SCG5: variants seen among roughly 807,000 people sequenced by gnomAD.
SCG5 encodes neuroendocrine protein 7B2.
SCG5 carries 18 observed loss-of-function variants against 25.7 expected under a neutral mutation model. The ratio of observed to expected loss-of-function variants is 0.70; its 90% CI spans 0.48 to 1.04. The LOEUF (loss-of-function observed/expected upper bound fraction) is 1.04, where lower values mean the gene tolerates loss of function less well. SCG5 is among the 50% of genes least tolerant of loss of function. The pLI, the probability that SCG5 is intolerant of heterozygous loss-of-function variation, is 0.00. For missense variants in SCG5, 206 were observed against 259.8 expected, an observed-to-expected ratio of 0.79 and a Z score of 1.42; for synonymous variants, 101 against 91.7, an observed-to-expected ratio of 1.10 and a Z score of -0.58.
At chr15:32,650,754 G>T (rs2054020119) in intron 2 of SCG5, among the ~76,000 whole-genome samples, 1 of 152,212 alleles carries the variant, frequency 6.6e-6, no homozygotes, top group African/African-American at 2.4e-5. Context: ...AGGCTGCTCA[G>T]TGCCAGCTGT....
At position 32,684,617 on chromosome 15, in the gene SCG5, T is replaced by A; in HGVS notation, c.437T>A (p.Leu146Ter). 1.2e-6 allele frequency: 2 copies of A among 1,613,912 alleles called. No individual in the cohort carries two copies. The highest frequency in any genetic ancestry group is 1.7e-6 in the Non-Finnish European group (2 of 1,179,846). Reference sequence around the variant, plus strand: ...GCAGAGTTCAGTCGAGAGTTCCAGTTGCACCAGCATCTCTTTGATCCGGAA... The same window carrying A: ...GCAGAGTTCAGTCGAGAGTTCCAGTAGCACCAGCATCTCTTTGATCCGGAA... ...DTAEFSREFQ[L>*]HQHLFDPEHD... Residue 146 changes from leucine to a stop codon, truncating the protein, a stop_gained, in exon 4 of 6, where the codon TTG becomes TAG. Transcript: ENST00000300175. LOFTEE classifies it high-confidence loss of function.
At chr15:32,677,450 A>G (rs1476809303) in intron 2 of SCG5, 1 of 152,244 alleles carries the variant, frequency 6.6e-6, no homozygotes, top group Non-Finnish European at 1.5e-5. Flanking sequence ...TGGGGGAAAA[A>G]AGTGTGAATC....
chr15:32,683,814 A>T (rs1481044988), intron 3 of SCG5, among the ~76,000 whole-genome samples: 1 of 152,200 alleles, frequency 6.6e-6, no homozygotes, highest in African/African-American at 2.4e-5. Context: ...CACAACATCA[A>T]GTGCTGTGTG....
intron 2 of SCG5, among the ~76,000 whole-genome samples, chr15:32,652,333 C>T (rs554913466): frequency 2.0e-5 from 3 of 151,832 alleles, no homozygotes; most frequent in East Asian, 1.9e-4. Context: ...TAAATGTGTT[C>T]CCAGAATGTC....
At chr15:32,644,692 T>C (rs1312543940) in intron 2 of SCG5, among the ~76,000 whole-genome samples, 1 of 152,194 alleles carries the variant, frequency 6.6e-6, no homozygotes, top group African/African-American at 2.4e-5. Context: ...CCTAAAGAAG[T>C]AGCATGGTTA....
intron 2 of SCG5, among the ~76,000 whole-genome samples, chr15:32,660,075 A>G (rs2054191942): frequency 2.0e-5 from 3 of 152,148 alleles, no homozygotes; most frequent in Non-Finnish European, 4.4e-5. Context: ...CTAATATTGG[A>G]AGGATTATTT....
At chr15:32,692,710 G>A (rs1335777499) in intron 5 of SCG5, among the ~76,000 whole-genome samples, 1 of 152,172 alleles carries the variant, frequency 6.6e-6, no homozygotes, top group African/African-American at 2.4e-5. Flanking sequence ...GCAAGTGCCT[G>A]GATCCTCACA....
At chr15:32,696,316 A>G (rs1567093716) in intron 5 of SCG5, among the ~76,000 whole-genome samples, 198 bp from the exon 6 acceptor site, 1 of 152,000 alleles carries the variant, frequency 6.6e-6, no homozygotes, top group Non-Finnish European at 1.5e-5. Context: ...ACGGGGTTTC[A>G]CCGTGTTAGC....
At chr15:32,651,437 G>T (rs947340948) in intron 2 of SCG5, among the ~76,000 whole-genome samples, 1 of 152,228 alleles carries the variant, frequency 6.6e-6, no homozygotes, top group Admixed American at 6.5e-5. Flanking sequence ...GGCAACAGTT[G>T]CTTCCCATTT....
chr15:32,652,177 C>T (rs2054042641), intron 2 of SCG5, among the ~76,000 whole-genome samples: 1 of 152,016 alleles, frequency 6.6e-6, no homozygotes, highest in Non-Finnish European at 1.5e-5. Context: ...TAGTAAAAAC[C>T]ACTGGGTGTC....
chr15:32,691,419 G>C (rs2054853723), intron 4 of SCG5, among the ~76,000 whole-genome samples: 1 of 152,166 alleles, frequency 6.6e-6, no homozygotes, highest in Admixed American at 6.5e-5. Context: ...GAGGAGATGG[G>C]TTTCCAGCAC....
chr15:32,686,916 T>C (rs568980296), intron 4 of SCG5, among the ~76,000 whole-genome samples: 36 of 152,264 alleles, frequency 2.4e-4, no homozygotes, highest in African/African-American at 8.4e-4. Flanking sequence ...TTAGGGAAGA[T>C]GGAAGACAAG....
At chr15:32,678,571 A>G (rs778117961) in intron 2 of SCG5, among the ~76,000 whole-genome samples, 9 of 152,238 alleles carry the variant, frequency 5.9e-5, no homozygotes, top group Non-Finnish European at 8.8e-5. Flanking sequence ...GTTGTATTTC[A>G]TATTTTGCTG....
At chr15:32,690,206 C>T (rs1024506582) in intron 4 of SCG5, among the ~76,000 whole-genome samples, 2 of 152,192 alleles carry the variant, frequency 1.3e-5, no homozygotes, top group Admixed American at 1.3e-4. Context: ...TGGCTGATGG[C>T]ACAGTGGAAC....
At chr15:32,692,057 A>C in intron 5 of SCG5, 2 of 1,246,236 alleles carry the variant, frequency 1.6e-6, no homozygotes, top group Non-Finnish European at 2.0e-6. Context: ...TGTGGGACAT[A>C]TCTGGGGGGA....
At chr15:32,643,244 AAG>A (rs759113620) in intron 1 of SCG5, among the ~76,000 whole-genome samples, 8 of 152,180 alleles carry the variant, frequency 5.3e-5, no homozygotes, top group Admixed American at 6.5e-5. Context: ...TTGTTTTAGT[AAG>A]AGAGGGAGAG....
chr15:32,667,727 C>A (rs2054344141), intron 2 of SCG5, among the ~76,000 whole-genome samples: 1 of 150,160 alleles, frequency 6.7e-6, no homozygotes, highest in African/African-American at 2.5e-5. Flanking sequence ...GGCTGGAGTG[C>A]AGTGGCACAG....
intron 2 of SCG5, among the ~76,000 whole-genome samples, chr15:32,676,139 G>A (rs2054526677): frequency 2.6e-5 from 4 of 152,274 alleles, no homozygotes; most frequent in South Asian, 4.1e-4. Context: ...AGCTCCTGGA[G>A]TGCAAAGGAC....
At chr15:32,649,043 G>A (rs570453150) in intron 2 of SCG5, among the ~76,000 whole-genome samples, 58 of 152,166 alleles carry the variant, frequency 3.8e-4, no homozygotes, top group South Asian at 2.1e-4. Context: ...GGCGTGAGCC[G>A]CCATGTCCAG....
Sources: gnomAD v4.1 joint callset for allele counts (sites outside exome capture counted in the v4.1 genomes callset) on GRCh38, gnomAD v4.1.1 for gene constraint, MANE v1.5 for transcripts, NCBI Gene and HGNC (gene_info 2026-07-23, HGNC 2026-07-21) for gene names.